Variants in GLT1D1 observed in about 807,000 individuals in gnomAD.
GLT1D1 encodes glycosyltransferase 1 domain containing 1.
Under a neutral mutation model 28.7 loss-of-function variants are expected in GLT1D1, and 21 were observed. The observed-to-expected ratio is 0.73, with a 90% confidence interval of 0.52 to 1.05. GLT1D1 has a LOEUF of 1.05. GLT1D1 is among the 50% of genes least tolerant of loss of function. The pLI is 0.00. For synonymous variants in GLT1D1, 147 were observed against 124.8 expected, an observed-to-expected ratio of 1.18 and a Z score of -1.19; for missense variants, 343 against 330.6, an observed-to-expected ratio of 1.04 and a Z score of -0.29.
intron 4 of GLT1D1, among the ~76,000 whole-genome samples, chr12:128,911,868 G>A (rs973024361): frequency 2.0e-5 from 3 of 152,106 alleles, no homozygotes; most frequent in East Asian, 1.9e-4. Flanking sequence ...CTTACCAGAC[G>A]CTTTCCACCC....
intron 4 of GLT1D1, among the ~76,000 whole-genome samples, chr12:128,902,797 C>G (rs1279797338): frequency 1.3e-5 from 2 of 151,492 alleles, no homozygotes. Context: ...AATCCCAGCA[C>G]TTTGGGAGGC....
chr12:128,882,031 T>C (rs550325220), intron 2 of GLT1D1, among the ~76,000 whole-genome samples: 1 of 152,222 alleles, frequency 6.6e-6, no homozygotes, highest in Admixed American at 6.6e-5. Context: ...GGTATATGCA[T>C]TTTTAAAGCT....
chr12:128,863,515 G>A (rs1361858696), intron 1 of GLT1D1, among the ~76,000 whole-genome samples: 2 of 152,050 alleles, frequency 1.3e-5, no homozygotes, highest in Non-Finnish European at 2.9e-5. Flanking sequence ...TGGGATTACA[G>A]GCATGTGCCA....
At chr12:128,967,049 A>G (rs1209683782) in intron 7 of GLT1D1, among the ~76,000 whole-genome samples, 2 of 152,244 alleles carry the variant, frequency 1.3e-5, no homozygotes, top group Non-Finnish European at 2.9e-5. Flanking sequence ...GACATTTAAT[A>G]GAAGCTGTGA....
chr12:128,905,646 G>T (rs1410542959), intron 4 of GLT1D1, among the ~76,000 whole-genome samples: 1 of 152,096 alleles, frequency 6.6e-6, no homozygotes, highest in Non-Finnish European at 1.5e-5. Context: ...TTATTTTTTA[G>T]TGTTGTTTAT....
intron 4 of GLT1D1, among the ~76,000 whole-genome samples, chr12:128,900,512 A>G (rs932369032): frequency 1.3e-5 from 2 of 152,138 alleles, no homozygotes; most frequent in African/African-American, 4.8e-5. Context: ...CTTACTCTTT[A>G]TATCAGACTT....
At chr12:128,875,250 G>T (rs148387364) in intron 1 of GLT1D1, among the ~76,000 whole-genome samples, 38 of 152,284 alleles carry the variant, frequency 2.5e-4, no homozygotes, top group African/African-American at 7.7e-4. Context: ...TAAGGAAATA[G>T]AAAAGGAGCT....
chr12:128,945,256 C>T (rs1875912103), intron 4 of GLT1D1, 70 bp from the exon 9 acceptor site: 11 of 1,501,002 alleles, frequency 7.3e-6, no homozygotes, highest in Admixed American at 6.7e-5. Flanking sequence ...TTTGGCCTGG[C>T]CCGTGCTGGC....
intron 4 of GLT1D1, among the ~76,000 whole-genome samples, chr12:128,917,320 C>T (rs1425987323): frequency 6.6e-6 from 1 of 152,098 alleles, no homozygotes; most frequent in Non-Finnish European, 1.5e-5. Flanking sequence ...ATTTGGGGCT[C>T]AACTCATCAA....
At chr12:128,944,991 C>T in intron 4 of GLT1D1, 1 of 581,524 alleles carries the variant, frequency 1.7e-6, no homozygotes, top group Non-Finnish European at 3.1e-6. Context: ...GTTCCCCTCC[C>T]TGTGTCCATG....
intron 6 of GLT1D1, among the ~76,000 whole-genome samples, chr12:128,956,158 C>CAAAAAAAAAA (rs1555219265): frequency 5.4e-4 from 4 of 7,466 alleles, no homozygotes; most frequent in Non-Finnish European, 9.0e-4. Context: ...GACTCCATCT[C>CAAAAAAAAAA]AAAAAAAAAA....
intron 1 of GLT1D1, among the ~76,000 whole-genome samples, chr12:128,859,470 C>G (rs559750628): frequency 6.6e-6 from 1 of 152,188 alleles, no homozygotes; most frequent in African/African-American, 2.4e-5. Context: ...AGACATACTT[C>G]GCTGTCACCA....
At chr12:128,925,030 ATTG>A (rs35229796) in intron 4 of GLT1D1, among the ~76,000 whole-genome samples, 23,719 of 151,304 alleles carry the variant, frequency 0.16, 2,376 homozygotes, top group Non-Finnish European at 0.23. Flanking sequence ...TCATAAATAA[ATTG>A]TTTTTTGTTT....
chr12:128,866,568 A>G (rs765376892), intron 1 of GLT1D1, among the ~76,000 whole-genome samples: 1 of 136,086 alleles, frequency 7.3e-6, no homozygotes, highest in African/African-American at 2.8e-5. Flanking sequence ...TTAGCTCTTC[A>G]TCTTTTCCCC....
chr12:128,879,378 T>TTTTCTTTCCTTCTTTCTTTCTTTC (rs1956953653), intron 2 of GLT1D1, among the ~76,000 whole-genome samples: 2 of 69,896 alleles, frequency 2.9e-5, no homozygotes, highest in African/African-American at 5.4e-5. Flanking sequence ...ATTTTTTTCT[T>TTTTCTTTCCTTCTTTCTTTCTTTC]TTTCTTTCTT....
chr12:128,972,752 C>T (rs1387903293), intron 7 of GLT1D1, among the ~76,000 whole-genome samples: 1 of 152,168 alleles, frequency 6.6e-6, no homozygotes, highest in African/African-American at 2.4e-5. Flanking sequence ...AAAGGTGCAG[C>T]TGAGGTTCAT....
intron 7 of GLT1D1, among the ~76,000 whole-genome samples, chr12:128,973,934 G>GTGTT: frequency 9.0e-6 from 1 of 111,366 alleles, no homozygotes; most frequent in Non-Finnish European, 1.9e-5. Context: ...GTGTGTGTGT[G>GTGTT]TAGGGTGTGT....
intron 7 of GLT1D1, among the ~76,000 whole-genome samples, chr12:128,960,441 G>A (rs547058399): frequency 6.6e-6 from 1 of 152,274 alleles, no homozygotes; most frequent in East Asian, 1.9e-4. Flanking sequence ...CCACTAGTGG[G>A]TTGCCAGTGT....
At chr12:128,869,013 G>A (rs139785930) in intron 1 of GLT1D1, among the ~76,000 whole-genome samples, 1,748 of 152,030 alleles carry the variant, frequency 0.011, 17 homozygotes, top group Non-Finnish European at 0.019. Context: ...GGGATTATAG[G>A]CATGCACTAC....
Sources: gnomAD v4.1 joint callset for allele counts (sites outside exome capture counted in the v4.1 genomes callset) on GRCh38, gnomAD v4.1.1 for gene constraint, MANE v1.5 for transcripts, NCBI Gene and HGNC (gene_info 2026-07-23, HGNC 2026-07-21) for gene names.